The following DNAH14 variants were observed in gnomAD, a reference collection of about 807,000 sequenced individuals.
DNAH14 encodes dynein axonemal heavy chain 14, also known as axonemal beta dynein heavy chain 14.
DNAH14 carries 478 observed loss-of-function variants against 520.9 expected under a neutral mutation model. The ratio of observed to expected loss-of-function variants is 0.92; its 90% CI spans 0.85 to 0.99. The LOEUF (loss-of-function observed/expected upper bound fraction) is 0.99, where lower values mean the gene tolerates loss of function less well. Ranked by LOEUF, DNAH14 falls within the 50% of genes least tolerant of loss-of-function variation. The probability of loss-of-function intolerance (pLI) is 0.00; values close to 1 mark genes in which losing one functional copy is unlikely to be tolerated. For missense variants in DNAH14, 4,831 were observed against 5,234.5 expected, an observed-to-expected ratio of 0.92 and a Z score of 2.38; for synonymous variants, 1,581 against 1,757.2, an observed-to-expected ratio of 0.90 and a Z score of 2.51.
intron 20 of DNAH14, among the ~76,000 whole-genome samples, chr1:225,083,541 A>T (rs1409227374): frequency 6.6e-6 from 1 of 152,158 alleles, no homozygotes; most frequent in Non-Finnish European, 1.5e-5. Context: ...GAAATACCTC[A>T]AAATTAACAT....
chr1:225,281,200 T>G (rs1008831425), intron 54 of DNAH14, among the ~76,000 whole-genome samples: 1 of 152,234 alleles, frequency 6.6e-6, no homozygotes, highest in Non-Finnish European at 1.5e-5. Flanking sequence ...ACTGCATTAC[T>G]TTCTGGAGGC....
In DNAH14 at chr1:225,399,086, G is replaced by C; in HGVS notation, c.13671G>C (p.Gln4557His). 1 of 1,550,630 alleles carries C rather than the reference G, an allele frequency of 6.4e-7. No homozygotes were observed. The highest frequency in any genetic ancestry group is 8.7e-7 in the Non-Finnish European group (1 of 1,146,792). The change falls in exon 86 of 86, where the codon CAG becomes CAC. Residue 4557 changes from glutamine (Q) to histidine (H), a missense_variant. Gln to His is a conservative substitution (Grantham distance 24). Transcript: ENST00000682510. ...ISTKTPNASN[Q>H]TDSELYAFEC... The stretch of plus-strand genomic sequence containing the variant: ...CCAAAACACCAAATGCTTCCAACCA[G>C]ACAGATTCAGAACTCTATGCTTTTG...
chr1:225,051,393 C>T, intron 16 of DNAH14, 58 bp from the exon 17 acceptor site: 2 of 1,256,278 alleles, frequency 1.6e-6, no homozygotes, highest in Non-Finnish European at 2.1e-6. Context: ...GCATGCCAAA[C>T]CATTTTTCAC....
chr1:225,320,544 C>T (rs748734315), intron 61 of DNAH14, among the ~76,000 whole-genome samples: 14 of 152,172 alleles, frequency 9.2e-5, no homozygotes, highest in Non-Finnish European at 2.1e-4. Context: ...AATGAGGATG[C>T]CTTATAACCT....
At chr1:225,383,709 C>G (rs572244353) in intron 81 of DNAH14, among the ~76,000 whole-genome samples, 22 of 152,314 alleles carry the variant, frequency 1.4e-4, no homozygotes, top group Non-Finnish European at 1.9e-4. Flanking sequence ...GTGTGAGAAG[C>G]TAGAGGGGCT....
chr1:225,236,410 C>G (rs2091580213), intron 42 of DNAH14, among the ~76,000 whole-genome samples: 1 of 152,084 alleles, frequency 6.6e-6, no homozygotes, highest in South Asian at 2.1e-4. Flanking sequence ...TTTCAGTTCT[C>G]TCACATTGGC....
At chr1:225,350,756 G>A (rs1342245245) in intron 71 of DNAH14, among the ~76,000 whole-genome samples, 9 of 149,892 alleles carry the variant, frequency 6.0e-5, no homozygotes, top group Non-Finnish European at 1.3e-4. Flanking sequence ...ATCAAACACT[G>A]CCAAAAAAAA....
At chr1:225,253,221 G>A (rs188469324) in intron 44 of DNAH14, among the ~76,000 whole-genome samples, 8 of 152,192 alleles carry the variant, frequency 5.3e-5, no homozygotes, top group Non-Finnish European at 7.4e-5. Flanking sequence ...TACAAGCTCC[G>A]AACTGTATTT....
In DNAH14 at chr1:225,318,453, C is replaced by A; in HGVS notation, c.9241-130C>A. On this transcript the variant is annotated intron_variant, in intron 60 of 85. Coordinates refer to ENST00000682510, the MANE Select transcript of DNAH14 (RefSeq NM_001367479.1). ...CAAGCATGTGTGCACATATCTAAGT[C>A]ATAAAAGATGCATAACTTATGGGCA... is the stretch of plus-strand genomic sequence containing the variant. 5 of 779,370 alleles carry A rather than the reference C, an allele frequency of 6.4e-6. No homozygotes were observed. In the South Asian group the frequency reaches 1.0e-4, roughly 16 times the overall value. The allele number at this position is 779,370 out of a possible 1,614,324, so 48.3% of individuals were successfully genotyped here.
In DNAH14 at chr1:224,941,041, G is replaced by A. The variant is rs1205808601; in HGVS notation, c.-34+11206G>A. 3.3e-5 allele frequency among the ~76,000 whole-genome samples: 5 copies of A among 152,226 alleles called. No individual in the cohort carries two copies. The East Asian group carries it at 9.6e-4, about 29-fold the overall frequency. The stretch of plus-strand genomic sequence containing the variant: ...TCCTTTGGGTATATACCCAGTAATG[G>A]GATGGCTGGGTCAAATGGTATTTCT... On this transcript the variant is annotated intron_variant, in intron 1 of 85. Coordinates refer to ENST00000682510, the MANE Select transcript of DNAH14 (RefSeq NM_001367479.1).
rs199942175 is a variant in DNAH14 at position 225,141,446 on chromosome 1, GT to G, written c.4508+426del. ...GTATATAGAGGGTCTGGAACTATATGTGGTTTGAACTATACGTATCCTCTGT... is the reference window on the plus strand; with the variant it reads ...GTATATAGAGGGTCTGGAACTATATGGGTTTGAACTATACGTATCCTCTGT... On this transcript the variant is annotated intron_variant, in intron 28 of 85. Transcript: ENST00000682510. Among the ~76,000 whole-genome samples the G allele has an allele frequency of 4.3e-3, 604 of 139,988 alleles. 5 individuals carry two copies. The highest frequency in any genetic ancestry group is 0.015 in the African/African-American group (571 of 37,448). The allele number at this position is 139,988 out of a possible 152,430, so 91.8% of individuals were successfully genotyped here. A position where few individuals can be genotyped will look rare whatever the true frequency, so the allele number is the denominator to read the frequency against.
chr1:225,008,127 A>T (rs899349577), intron 10 of DNAH14, among the ~76,000 whole-genome samples: 2 of 150,542 alleles, frequency 1.3e-5, no homozygotes, highest in African/African-American at 4.9e-5. Flanking sequence ...CCCTGTGCCC[A>T]TATGTTCTCA....
At chr1:225,038,384 T>G (rs1426561544) in intron 11 of DNAH14, among the ~76,000 whole-genome samples, 2 of 152,216 alleles carry the variant, frequency 1.3e-5, no homozygotes, top group Non-Finnish European at 2.9e-5. Flanking sequence ...GTACTCTCCT[T>G]GTACTTCCAA....
rs1038250416 is a variant in DNAH14, at chr1:225,205,855, C to G, written c.5978-116C>G. 4 of 807,918 alleles carry G rather than the reference C, an allele frequency of 5.0e-6. 1 individual carries two copies. In the Admixed American group the frequency reaches 1.1e-4, roughly 22 times the overall value. The allele number at this position is 807,918 out of a possible 1,614,324, so 50.0% of individuals were successfully genotyped here. On this transcript the variant is annotated intron_variant, in intron 39 of 85. Transcript: ENST00000682510. ...ATAAACACATTCACTCTAGTGTTTT[C>G]TAGGATATCTTTCCTCTTAGAAAAT...
At chr1:225,275,277 C>T (rs2093439211) in intron 52 of DNAH14, among the ~76,000 whole-genome samples, 1 of 152,146 alleles carries the variant, frequency 6.6e-6, no homozygotes, top group Non-Finnish European at 1.5e-5. Context: ...TAGTATGGAC[C>T]CTGCCTCCAA....
chr1:225,066,058 G>A (rs61340800), intron 17 of DNAH14, among the ~76,000 whole-genome samples: 3,769 of 152,086 alleles, frequency 0.025, 125 homozygotes, highest in African/African-American at 0.077. Context: ...ATTCTGACAG[G>A]TGTGAGGTGA....
At chr1:225,237,628 C>A (rs905034967) in intron 42 of DNAH14, among the ~76,000 whole-genome samples, 1 of 152,118 alleles carries the variant, frequency 6.6e-6, no homozygotes, top group African/African-American at 2.4e-5. Context: ...GGTTTCTCTG[C>A]ATTTCCTGAA....
In DNAH14 at chr1:225,069,984, T is replaced by C. The variant is rs747176383; in HGVS notation, c.2425-9223T>C. On this transcript the variant is annotated intron_variant, in intron 17 of 85. Coordinates refer to ENST00000682510, the MANE Select transcript of DNAH14 (RefSeq NM_001367479.1). ...ATCCATTTCTTCTAGATTTTCTAGCTTATGTCTGTAGAGGTATTCATAATG... is the reference window on the plus strand; with the variant it reads ...ATCCATTTCTTCTAGATTTTCTAGCCTATGTCTGTAGAGGTATTCATAATG... 2.6e-5 allele frequency among the ~76,000 whole-genome samples: 4 copies of C among 152,320 alleles called. No individual in the cohort carries two copies. The South Asian group carries it at 6.2e-4, about 24-fold the overall frequency.
chr1:224,933,216 A>G (rs2058808280), intron 1 of DNAH14, among the ~76,000 whole-genome samples: 2 of 151,658 alleles, frequency 1.3e-5, no homozygotes, highest in Admixed American at 1.3e-4. Context: ...TGCTTGATTT[A>G]TTTCTTGGCT....
Sources: gnomAD v4.1 joint callset for allele counts (sites outside exome capture counted in the v4.1 genomes callset) on GRCh38, gnomAD v4.1.1 for gene constraint, MANE v1.5 for transcripts, NCBI Gene and HGNC (gene_info 2026-07-23, HGNC 2026-07-21) for gene names.